PKD2L2: variants seen among roughly 807,000 people sequenced by gnomAD.
PKD2L2 encodes polycystin-2-like protein 2.
In PKD2L2, 67 loss-of-function variants were observed where a neutral mutation model predicts 83.9. The observed-to-expected ratio is 0.80, with a 90% CI of 0.66 to 0.98. PKD2L2 has a LOEUF of 0.98. PKD2L2 is among the 50% of genes least tolerant of loss of function. PKD2L2 has a pLI of 0.00. For synonymous variants in PKD2L2, 223 were observed against 237.8 expected (o/e 0.94, Z 0.57); for missense variants, 632 against 717.2 (o/e 0.88, Z 1.36).
chr5:137,936,705 T>C (rs1056009159), intron 14 of PKD2L2, among the ~76,000 whole-genome samples: 1 of 152,254 alleles, frequency 6.6e-6, no homozygotes, highest in Non-Finnish European at 1.5e-5. Flanking sequence ...TCCACCCGCC[T>C]TGGCCTCCCA....
intron 12 of PKD2L2, among the ~76,000 whole-genome samples, chr5:137,928,916 C>T (rs1759609473): frequency 6.6e-6 from 1 of 152,150 alleles, no homozygotes; most frequent in Admixed American, 6.6e-5. Context: ...CACATTTTAA[C>T]ATCTGTGAAA....
chr5:137,930,371 C>G (rs907627998), intron 12 of PKD2L2, among the ~76,000 whole-genome samples: 3 of 151,978 alleles, frequency 2.0e-5, no homozygotes, highest in Admixed American at 6.6e-5. Context: ...TTAAATGACT[C>G]GAGTCAAAGA....
intron 12 of PKD2L2, among the ~76,000 whole-genome samples, chr5:137,928,507 T>G (rs1010712422): frequency 3.9e-5 from 6 of 152,176 alleles, no homozygotes; most frequent in African/African-American, 1.4e-4. Flanking sequence ...CACAGCTCAC[T>G]GCAGCCTCGA....
At chr5:137,910,987 C>T (rs1757787578) in intron 8 of PKD2L2, among the ~76,000 whole-genome samples, 1 of 152,080 alleles carries the variant, frequency 6.6e-6, no homozygotes, top group Admixed American at 6.6e-5. Context: ...ATCAAATTTA[C>T]CATTTAAACC....
chr5:137,894,360 A>G lies in PKD2L2; in HGVS notation c.275A>G (p.Glu92Gly). The G allele has an allele frequency of 6.2e-7, 1 of 1,600,372 alleles. No homozygotes were observed. Among genetic ancestry groups the G allele is most frequent in the Middle Eastern group, 1.7e-4 (1 of 6,014 alleles). The change falls in exon 4 of 15, where the codon GAA becomes GGA. Residue 92 changes from glutamate (E) to glycine (G), a missense_variant. Coordinates refer to ENST00000508883, the MANE Select transcript of PKD2L2 (RefSeq NM_001300921.2). ...RSITDFWKFM[E>G]GPLLEGLYWD... ...TTGTTTTTCTCTGTGGAGTTTATGG[A>G]AGGACCCCTTTTGGAAGGTCTGTAC...
intron 8 of PKD2L2, among the ~76,000 whole-genome samples, chr5:137,912,805 C>T (rs4558982): frequency 0.92 from 114,938 of 124,354 alleles, 52,898 homozygotes; most frequent in East Asian, 0.98. Flanking sequence ...TTCTTTCTTT[C>T]TTTTTTTTTT....
chr5:137,910,602 G>A (rs775084805), intron 8 of PKD2L2, among the ~76,000 whole-genome samples: 21 of 151,622 alleles, frequency 1.4e-4, no homozygotes, highest in South Asian at 8.3e-4. Flanking sequence ...GCGAAACTCC[G>A]TCTCTACTAA....
At chr5:137,897,815 TTAG>T (rs1195291878) in intron 4 of PKD2L2, among the ~76,000 whole-genome samples, 2 of 152,152 alleles carry the variant, frequency 1.3e-5, no homozygotes, top group Non-Finnish European at 2.9e-5. Flanking sequence ...CATAGTGTTA[TTAG>T]TAGAACAGGT....
intron 7 of PKD2L2, 23 bp downstream of exon 7, chr5:137,907,935 C>T: frequency 9.5e-7 from 1 of 1,050,716 alleles, no homozygotes; most frequent in Non-Finnish European, 1.4e-6. Flanking sequence ...CATTATATTA[C>T]ATAATACAAG....
chr5:137,906,512 T>A, intron 6 of PKD2L2, 78 bp downstream of exon 6: 1 of 689,854 alleles, frequency 1.4e-6, no homozygotes, highest in East Asian at 2.7e-5. Flanking sequence ...AAAGACAGAA[T>A]CTTCTATTCA....
chr5:137,924,781 C>T (rs1029965322), intron 10 of PKD2L2, among the ~76,000 whole-genome samples: 5 of 152,114 alleles, frequency 3.3e-5, no homozygotes, highest in African/African-American at 4.8e-5. Flanking sequence ...TACATGTTAA[C>T]GCTTTTTAAA....
At chr5:137,929,149 A>G (rs1428950601) in intron 12 of PKD2L2, among the ~76,000 whole-genome samples, 1 of 152,178 alleles carries the variant, frequency 6.6e-6, no homozygotes, top group Non-Finnish European at 1.5e-5. Context: ...GAAAGGGAGG[A>G]CTAAGGGTAT....
intron 3 of PKD2L2, among the ~76,000 whole-genome samples, chr5:137,893,387 CA>C (rs893752328): frequency 6.6e-6 from 1 of 152,156 alleles, no homozygotes; most frequent in Non-Finnish European, 1.5e-5. Flanking sequence ...TTACATTTAA[CA>C]TAGCAACATG....
At position 137,900,919 on chromosome 5, in the gene PKD2L2, C is replaced by T. The variant is rs1034571021; in HGVS notation, c.746+1182C>T. Reference sequence around the variant, plus strand: ...TTGGGAGGCCGAGGTGGGAGAATCACCTGAGGTCAGGAGTTTGAGATCAGC... The same window carrying T: ...TTGGGAGGCCGAGGTGGGAGAATCATCTGAGGTCAGGAGTTTGAGATCAGC... On this transcript the variant is annotated intron_variant, in intron 5 of 14. Transcript: ENST00000508883. Among the ~76,000 whole-genome samples, 3 of 152,112 alleles carry T rather than the reference C, an allele frequency of 2.0e-5. No individual in the cohort carries two copies. In the South Asian group the frequency reaches 6.2e-4, roughly 32 times the overall value.
At chr5:137,919,817 T>C (rs558346833) in intron 8 of PKD2L2, among the ~76,000 whole-genome samples, 91 of 152,336 alleles carry the variant, frequency 6.0e-4, no homozygotes, top group African/African-American at 2.0e-3. Flanking sequence ...CTTCCTTCAT[T>C]AAAGCTTTTT....
At chr5:137,897,039 T>G (rs1419521101) in intron 4 of PKD2L2, among the ~76,000 whole-genome samples, 3 of 39,222 alleles carry the variant, frequency 7.6e-5, no homozygotes, top group South Asian at 2.0e-3. Context: ...TATTATATTA[T>G]TATTATTATT....
At chr5:137,923,598 C>T in intron 10 of PKD2L2, 77 bp downstream of exon 10, 1 of 780,562 alleles carries the variant, frequency 1.3e-6, no homozygotes, top group Non-Finnish European at 2.3e-6. Flanking sequence ...TTGAATACCA[C>T]TTAATTCCAA....
intron 1 of PKD2L2, 106 bp downstream of exon 1, chr5:137,889,628 C>A: frequency 1.0e-6 from 1 of 972,850 alleles, no homozygotes; most frequent in East Asian, 3.1e-5. Flanking sequence ...ATGTGACTGC[C>A]GACACCTTTA....
At chr5:137,900,211 A>G (rs1756833895) in intron 5 of PKD2L2, among the ~76,000 whole-genome samples, 3 of 152,204 alleles carry the variant, frequency 2.0e-5, no homozygotes, top group Admixed American at 1.3e-4. Flanking sequence ...TCCTGTTGCT[A>G]TTGCAGTGAA....
Sources: allele counts gnomAD v4.1 joint callset (sites outside exome capture counted in the v4.1 genomes callset), GRCh38; gene constraint gnomAD v4.1.1; transcripts MANE v1.5; gene names NCBI Gene and HGNC (gene_info 2026-07-23, HGNC 2026-07-21).